The following HMGB3 variants were observed in gnomAD, a reference collection of about 807,000 sequenced individuals.
HMGB3 encodes high mobility group box 3.
In HMGB3, 1 loss-of-function variant was observed where a neutral mutation model predicts 12.9. The ratio of observed to expected loss-of-function variants is 0.08; its 90% CI spans 0.03 to 0.37. HMGB3 has a LOEUF of 0.37. HMGB3 is among the 10% of genes least tolerant of loss of function. The pLI is 0.99. For missense variants in HMGB3, 74 were observed against 153.3 expected (o/e 0.48, Z 2.73); for synonymous variants, 61 against 53.9 (o/e 1.13, Z -0.57).
rs1279033293 is a variant in HMGB3 at position 150,989,079 on chromosome X, C to T, written c.*1165C>T. Reference sequence around the variant, plus strand: ...TATCTAGGTTTAACTTTTGTCCCACCTCCACCCCCTATTTTGTGGGGCCAA... The same window carrying T: ...TATCTAGGTTTAACTTTTGTCCCACTTCCACCCCCTATTTTGTGGGGCCAA... On this transcript the variant is annotated 3_prime_UTR_variant, in exon 5 of 5. Transcript: ENST00000325307. The T allele has an allele frequency of 1.8e-5, 2 of 111,769 alleles. No individual in the cohort carries two copies. Among genetic ancestry groups the T allele is most frequent in the Non-Finnish European group, 3.8e-5 (2 of 53,166 alleles). The allele number at this position is 111,769 out of a possible 1,213,427, so 9.2% of individuals were successfully genotyped here.
At chrX:150,987,002 CAT>C in intron 3 of HMGB3, 124 bp from the exon 4 acceptor site, 1 of 495,271 alleles carries the variant, frequency 2.0e-6, no homozygotes, top group Non-Finnish European at 3.5e-6. Context: ...TATATGGTAT[CAT>C]AGATTACTTC....
chrX:150,988,200 G>T lies in HMGB3; in HGVS notation c.*286G>T. 1 of 231,544 alleles carries T rather than the reference G, an allele frequency of 4.3e-6. No homozygotes were observed. Among genetic ancestry groups the T allele is most frequent in the Middle Eastern group, 1.3e-3 (1 of 752 alleles). The allele number at this position is 231,544 out of a possible 1,213,427, so 19.1% of individuals were successfully genotyped here. ...TTCTCCTCACTCTGTGCACTTTGCT[G>T]TTGGTGTGACAAGGCATTTAAAGAT... On this transcript the variant is annotated 3_prime_UTR_variant, in exon 5 of 5. Transcript: ENST00000325307.
At position 150,983,379 on chromosome X, in the gene HMGB3, A is replaced by C; in HGVS notation, c.-6+3A>C. On this transcript the variant is annotated splice_donor_region_variant and intron_variant, in intron 1 of 4. Coordinates refer to ENST00000325307, the MANE Select transcript of HMGB3 (RefSeq NM_005342.4). ...GCCCAGACTAGCGAACAATACAGGTACGTCTCGCACCGCCCGCTCCCGCCG... is the reference window on the plus strand; with the variant it reads ...GCCCAGACTAGCGAACAATACAGGTCCGTCTCGCACCGCCCGCTCCCGCCG... 1 of 758,945 alleles carries C rather than the reference A, an allele frequency of 1.3e-6. No homozygotes were observed. Among genetic ancestry groups the C allele is most frequent in the Non-Finnish European group, 1.5e-6 (1 of 645,410 alleles). 62.5% of individuals were successfully genotyped at this position (758,945 alleles called of 1,213,427 possible).
intron 2 of HMGB3, 101 bp from the exon 3 acceptor site, chrX:150,985,950 C>A: frequency 1.1e-6 from 1 of 952,123 alleles, no homozygotes; most frequent in Non-Finnish European, 1.5e-6. Context: ...TTACCTACCC[C>A]CTTTTGCAAG....
At chrX:150,985,555 C>T (rs781814354) in intron 1 of HMGB3, 40 bp from the exon 2 acceptor site, 18 of 1,110,235 alleles carry the variant, frequency 1.6e-5, no homozygotes, top group South Asian at 2.1e-5. Context: ...TTCCTCCTTG[C>T]TTTTCCTCAT....
intron 1 of HMGB3, among the ~76,000 whole-genome samples, chrX:150,983,850 C>CGGTGCCCGCCGGGGGCTGCGCGGCT (rs1370488940): frequency 9.4e-5 from 10 of 106,833 alleles, no homozygotes; most frequent in Non-Finnish European, 2.0e-4. Flanking sequence ...AACGGGCGGC[C>CGGTGCCCGCCGGGGGCTGCGCGGCT]GGTGCCCGCC....
chrX:150,990,054 C>G lies in HMGB3; in HGVS notation c.*2140C>G, dbSNP rs2124452152. 8.9e-6 allele frequency: 1 copy of G among 112,473 alleles called. No individual in the cohort carries two copies. The highest frequency in any genetic ancestry group is 3.7e-4 in the South Asian group (1 of 2,714). 9.3% of individuals were successfully genotyped at this position (112,473 alleles called of 1,213,427 possible). On this transcript the variant is annotated 3_prime_UTR_variant, in exon 5 of 5. Transcript: ENST00000325307. ...ATTTCCCCTCCTGCTTCAGCCATGT[C>G]CTTGTCACTTGGCATTCTAAGCTAA...
rs1455594751 is a variant in HMGB3 at position 150,989,489 on chromosome X, A to G, written c.*1575A>G. The G allele has an allele frequency of 8.9e-6, 1 of 111,830 alleles. No individual in the cohort carries two copies. Among genetic ancestry groups the G allele is most frequent in the Non-Finnish European group, 1.9e-5 (1 of 53,147 alleles). 9.2% of individuals were successfully genotyped at this position (111,830 alleles called of 1,213,427 possible). The stretch of plus-strand genomic sequence containing the variant: ...GCTCATTCACTGGAAATGTAGATTG[A>G]TGTTCAATGTTAAACTGGAAGGAGC... On this transcript the variant is annotated 3_prime_UTR_variant, in exon 5 of 5. Coordinates refer to ENST00000325307, the MANE Select transcript of HMGB3 (RefSeq NM_005342.4).
rs782085206 is a variant in HMGB3 at position 150,987,887 on chromosome X, G to A, written c.576G>A (p.Glu192=). The A allele has an allele frequency of 2.4e-5, 24 of 981,252 alleles. No homozygotes were observed. The highest frequency in any genetic ancestry group is 4.9e-5 in the Admixed American group (2 of 40,964). 80.9% of individuals were successfully genotyped at this position (981,252 alleles called of 1,213,427 possible). The change falls in exon 5 of 5, where the codon GAG becomes GAA. Residue 192 remains glutamate, a synonymous_variant. Coordinates refer to ENST00000325307, the MANE Select transcript of HMGB3 (RefSeq NM_005342.4). ...EEDEEEEEEE[E]EEEEEEDE ...ATGAAGAAGAGGAGGAGGAAGAAGA[G>A]GAGGAGGAGGAGGAGGAGGATGAAT...
upstream of HMGB3, chrX:150,983,324 A>G: frequency 1.3e-6 from 1 of 755,099 alleles, no homozygotes; most frequent in Non-Finnish European, 1.6e-6. Flanking sequence ...GAGGCTGGGG[A>G]GCGCTGAGCC....
upstream of HMGB3, chrX:150,980,547 A>G: frequency 1.5e-6 from 1 of 645,848 alleles, no homozygotes; most frequent in Middle Eastern, 9.3e-4. Flanking sequence ...TCAGCTCCAT[A>G]TAAGAGGTAG....
At chrX:150,986,810 A>AT (rs1345393358) in intron 3 of HMGB3, among the ~76,000 whole-genome samples, 2 of 110,088 alleles carry the variant, frequency 1.8e-5, no homozygotes, top group Admixed American at 9.8e-5. Context: ...TGCCCGGCTA[A>AT]TTTTTTTTAT....
intron 4 of HMGB3, among the ~76,000 whole-genome samples, chrX:150,987,571 T>A (rs994901952): frequency 1.3e-4 from 14 of 111,897 alleles, no homozygotes; most frequent in African/African-American, 4.2e-4. Context: ...TAATGTGACT[T>A]GAAGGACACT....
In HMGB3 at chrX:150,989,228, A is replaced by G. The variant is rs1429964018; in HGVS notation, c.*1314A>G. 9.0e-6 allele frequency: 1 copy of G among 110,944 alleles called. No homozygotes were observed. Among genetic ancestry groups the G allele is most frequent in the Non-Finnish European group, 1.9e-5 (1 of 52,983 alleles). 9.1% of individuals were successfully genotyped at this position (110,944 alleles called of 1,213,427 possible). ...TATCACATTATTTGTGGTGCCCAAC[A>G]TTTGGGGTCTTGAGCCTGCTGCTGG... On this transcript the variant is annotated 3_prime_UTR_variant, in exon 5 of 5. Coordinates refer to ENST00000325307, the MANE Select transcript of HMGB3 (RefSeq NM_005342.4).
Position 150,990,686 on chromosome X carries a change from GTGTC to G in HMGB3, c.*2776_*2779del, listed in dbSNP as rs1158334900. On this transcript the variant is annotated 3_prime_UTR_variant, in exon 5 of 5. Transcript: ENST00000325307. ...TGACTATTGTCTGTGTCTCCTGTGT[GTGTC>G]TGTTCTTGTCACAAATGTATTTGGG... The G allele has an allele frequency of 9.0e-6, 1 of 111,471 alleles. No individual in the cohort carries two copies. The highest frequency in any genetic ancestry group is 1.9e-5 in the Non-Finnish European group (1 of 53,103). The allele number at this position is 111,471 out of a possible 1,213,427, so 9.2% of individuals were successfully genotyped here. A position where few individuals can be genotyped will look rare whatever the true frequency, so the allele number is the denominator to read the frequency against.
At chrX:150,983,860 CG>C (rs2048016894) in intron 1 of HMGB3, among the ~76,000 whole-genome samples, 1 of 106,475 alleles carries the variant, frequency 9.4e-6, no homozygotes, top group Admixed American at 9.6e-5. Flanking sequence ...CGGTGCCCGC[CG>C]GGGGCTGCGC....
chrX:150,989,778 GAGAA>G lies in HMGB3; in HGVS notation c.*1867_*1870del, dbSNP rs1428035521. 3 of 111,918 alleles carry G rather than the reference GAGAA, an allele frequency of 2.7e-5. No individual in the cohort carries two copies. The highest frequency in any genetic ancestry group is 6.5e-5 in the African/African-American group (2 of 30,757). 9.2% of individuals were successfully genotyped at this position (111,918 alleles called of 1,213,427 possible). ...AGTGTTTTTGTGCTATTAATTTTAA[GAGAA>G]AGCAGCTTTTTCTTAAAATTCACTG... On this transcript the variant is annotated 3_prime_UTR_variant, in exon 5 of 5. Coordinates refer to ENST00000325307, the MANE Select transcript of HMGB3 (RefSeq NM_005342.4).
intron 2 of HMGB3, 138 bp downstream of exon 2, chrX:150,985,887 AAT>A: frequency 1.2e-6 from 1 of 830,401 alleles, no homozygotes; most frequent in Non-Finnish European, 1.7e-6. Flanking sequence ...TTGTCTTAAG[AAT>A]TTTGTGTGTG....
rs1209949281 is a variant in HMGB3, at chrX:150,988,513, C to T, written c.*599C>T. 9.1e-6 allele frequency: 1 copy of T among 110,026 alleles called. No homozygotes were observed. Among genetic ancestry groups the T allele is most frequent in the Non-Finnish European group, 1.9e-5 (1 of 52,848 alleles). 9.1% of individuals were successfully genotyped at this position (110,026 alleles called of 1,213,427 possible). A position where few individuals can be genotyped will look rare whatever the true frequency, so the allele number is the denominator to read the frequency against. ...ATATAGTGACATAGCATTCTGCTGC[C>T]ATCTTAGCTGTGGACAAAGGGGGGT... On this transcript the variant is annotated 3_prime_UTR_variant, in exon 5 of 5. Transcript: ENST00000325307.
Sources: gnomAD v4.1 joint callset for allele counts (sites outside exome capture counted in the v4.1 genomes callset) on GRCh38, gnomAD v4.1.1 for gene constraint, MANE v1.5 for transcripts, NCBI Gene and HGNC (gene_info 2026-07-23, HGNC 2026-07-21) for gene names.